Variants in FGFR1 observed in about 807,000 individuals in gnomAD.
FGFR1 encodes the protein FGFR1/PLAG1 fusion.
In FGFR1, 18 loss-of-function variants were observed where a neutral mutation model predicts 93.7. The observed-to-expected ratio is 0.19, with a 90% confidence interval of 0.13 to 0.28. The LOEUF is 0.28. Ranked by LOEUF, FGFR1 falls within the 10% of genes least tolerant of loss-of-function variation. FGFR1 has a pLI of 1.00. For synonymous variants in FGFR1, 448 were observed against 429.3 expected (o/e 1.04, Z -0.54); for missense variants, 731 against 1,080.4 (o/e 0.68, Z 4.53).
At position 38,413,081 on chromosome 8, in the gene FGFR1, G is replaced by C. The variant is rs1814916047; in HGVS notation, c.*547C>G. 4.2e-6 allele frequency: 1 copy of C among 238,668 alleles called. No homozygotes were observed. Among genetic ancestry groups the C allele is most frequent in the Non-Finnish European group, 8.2e-6 (1 of 121,236 alleles). The allele number at this position is 238,668 out of a possible 1,614,324, so 14.8% of individuals were successfully genotyped here. ...CCTGGCCTTCGCCTCACCATCCTCTGGTACCAGGCATTTGGTCAGCAAAGC... is the reference window on the plus strand; with the variant it reads ...CCTGGCCTTCGCCTCACCATCCTCTCGTACCAGGCATTTGGTCAGCAAAGC... On this transcript the variant is annotated 3_prime_UTR_variant, in exon 18 of 18. Coordinates refer to ENST00000447712, the MANE Select transcript of FGFR1 (RefSeq NM_023110.3). This position sits in a 1 kb window ranked among gnomAD's most constrained non-coding sequence, Gnocchi z 4.2.
intron 7 of FGFR1, chr8:38,423,307 T>C: frequency 3.4e-6 from 2 of 592,748 alleles, no homozygotes; most frequent in Non-Finnish European, 5.9e-6. Flanking sequence ...TACCTTTCCC[T>C]TTTAGTTTTT....
In FGFR1 at chr8:38,426,003, CAAG is replaced by C; in HGVS notation, c.745+116_745+118del. 1 of 1,399,528 alleles carries C rather than the reference CAAG, an allele frequency of 7.1e-7. No individual in the cohort carries two copies. Among genetic ancestry groups the C allele is most frequent in the Non-Finnish European group, 1.0e-6 (1 of 993,304 alleles). 86.7% of individuals were successfully genotyped at this position (1,399,528 alleles called of 1,614,324 possible). On this transcript the variant is annotated intron_variant, in intron 6 of 17. Transcript: ENST00000447712. This position sits in a 1 kb window ranked among gnomAD's most constrained non-coding sequence, Gnocchi z 4.1. ...AGTGACCTGCTCAAGGTGACAAAGC[CAAG>C]AAGTGCCAATCGCTATCCTGACTCT...
At chr8:38,452,327 C>T (rs1279620357) in intron 2 of FGFR1, among the ~76,000 whole-genome samples, 1 of 151,978 alleles carries the variant, frequency 6.6e-6, no homozygotes, top group African/African-American at 2.4e-5. Context: ...ACCTTTTGGA[C>T]AAAGCCCTTA....
chr8:38,453,425 C>T (rs1027899091), intron 2 of FGFR1, among the ~76,000 whole-genome samples: 1 of 152,208 alleles, frequency 6.6e-6, no homozygotes, highest in African/African-American at 2.4e-5. Context: ...TATGAGCACA[C>T]ATTCATTATC....
chr8:38,430,122 G>A, intron 2 of FGFR1, 174 bp from the exon 3 acceptor site: 1 of 647,882 alleles, frequency 1.5e-6, no homozygotes, highest in Non-Finnish European at 2.6e-6. Flanking sequence ...GCATGGGTCA[G>A]TGGGGAAAAC....
intron 2 of FGFR1, among the ~76,000 whole-genome samples, chr8:38,439,199 G>A (rs1035636174): frequency 2.0e-5 from 3 of 152,174 alleles, no homozygotes; most frequent in African/African-American, 4.8e-5. Context: ...GGCTGCATCT[G>A]CTGGGTCCTG....
At chr8:38,448,287 T>TG in intron 2 of FGFR1, among the ~76,000 whole-genome samples, 1 of 152,060 alleles carries the variant, frequency 6.6e-6, no homozygotes, top group Non-Finnish European at 1.5e-5. Flanking sequence ...AATTTTTTTT[T>TG]TTTTTTTTTT....
Position 38,429,858 on chromosome 8 carries a change from A to G in FGFR1, c.182T>C (p.Val61Ala), listed in dbSNP as rs776846726. 1.2e-6 allele frequency: 2 copies of G among 1,614,044 alleles called. No individual in the cohort carries two copies. The highest frequency in any genetic ancestry group is 2.2e-5 in the East Asian group (1 of 44,874). ...LQLRCRLRDD[V>A]QSINWLRDGV... The stretch of plus-strand genomic sequence containing the variant: ...GTCCCGCAGCCAGTTGATGCTCTGC[A>G]CATCGTCCCGCAGCCGACAGCGAAG... The change falls in exon 3 of 18, where the codon GTG (valine) becomes GCG (alanine). Residue 61 changes from valine (V) to alanine (A), a missense_variant. Transcript: ENST00000447712. This position sits in a 1 kb window ranked among gnomAD's most constrained non-coding sequence, Gnocchi z 4.4.
At chr8:38,459,256 C>A (rs550866780) in intron 1 of FGFR1, among the ~76,000 whole-genome samples, 12 of 152,248 alleles carry the variant, frequency 7.9e-5, no homozygotes, top group African/African-American at 2.4e-4. Context: ...TCTACTTCCC[C>A]GGAACATGCC....
chr8:38,430,305 C>G (rs570173776), intron 2 of FGFR1: 3 of 264,852 alleles, frequency 1.1e-5, no homozygotes, highest in African/African-American at 6.5e-5. Flanking sequence ...GGAGTTGCCC[C>G]CTCCCCAGAT....
At chr8:38,458,525 A>C (rs1346788010) in intron 1 of FGFR1, among the ~76,000 whole-genome samples, 1 of 152,124 alleles carries the variant, frequency 6.6e-6, no homozygotes, top group African/African-American at 2.4e-5. Context: ...TAGGTGACAG[A>C]GTGAGACTCT....
chr8:38,464,392 C>A (rs1448071573), intron 1 of FGFR1, among the ~76,000 whole-genome samples: 4 of 149,220 alleles, frequency 2.7e-5, no homozygotes, highest in African/African-American at 9.9e-5. Flanking sequence ...CTCTTGAAGA[C>A]AGGATGTACT....
At chr8:38,422,431 G>A (rs542896905) in intron 7 of FGFR1, among the ~76,000 whole-genome samples, 2 of 152,286 alleles carry the variant, frequency 1.3e-5, no homozygotes, top group Admixed American at 6.5e-5. Flanking sequence ...TAAGAGATGG[G>A]GTACCATTCT....
chr8:38,427,764 A>C (rs1166536735), intron 5 of FGFR1, among the ~76,000 whole-genome samples, 157 bp downstream of exon 5: 1 of 152,242 alleles, frequency 6.6e-6, no homozygotes, highest in Non-Finnish European at 1.5e-5. Context: ...AGAAATGTTT[A>C]AACTTTATTT....
intron 8 of FGFR1, among the ~76,000 whole-genome samples, chr8:38,421,363 G>C (rs1424691493): frequency 6.6e-6 from 1 of 152,206 alleles, no homozygotes; most frequent in Non-Finnish European, 1.5e-5. Context: ...GCTGCTCTTT[G>C]CAAGCAGCAA....
chr8:38,424,244 C>A lies in FGFR1; in HGVS notation c.936+265G>T. 3.2e-6 allele frequency: 2 copies of A among 625,406 alleles called. No individual in the cohort carries two copies. Among genetic ancestry groups the A allele is most frequent in the South Asian group, 3.3e-5 (2 of 60,492 alleles). The allele number at this position is 625,406 out of a possible 1,614,324, so 38.7% of individuals were successfully genotyped here. ...TCCTTGTGTAGCTGACCCCAAAGCC[C>A]CAGTGACGTTGCTCTCAAAGCTTAT... is the stretch of plus-strand genomic sequence containing the variant. On this transcript the variant is annotated intron_variant, in intron 7 of 17. Coordinates refer to ENST00000447712, the MANE Select transcript of FGFR1 (RefSeq NM_023110.3). The surrounding 1 kb of genome is among the most constrained non-coding windows in gnomAD (Gnocchi z 4.3).
chr8:38,420,795 C>T (rs912950915), intron 8 of FGFR1, among the ~76,000 whole-genome samples: 1 of 152,148 alleles, frequency 6.6e-6, no homozygotes, highest in Non-Finnish European at 1.5e-5. Flanking sequence ...GCATGAGGCA[C>T]GACCCTAGAC....
chr8:38,416,390 T>C (rs1297115190), intron 12 of FGFR1, among the ~76,000 whole-genome samples: 1 of 151,782 alleles, frequency 6.6e-6, no homozygotes, highest in Non-Finnish European at 1.5e-5. Flanking sequence ...ATTCAAGTGA[T>C]TCTCCTGCCT....
chr8:38,462,332 C>T (rs559260097), intron 1 of FGFR1, among the ~76,000 whole-genome samples: 17 of 152,064 alleles, frequency 1.1e-4, no homozygotes, highest in Non-Finnish European at 1.6e-4. Flanking sequence ...GGTGAAACCC[C>T]GTCTCTACTA....
Sources: gnomAD v4.1 joint callset for allele counts (sites outside exome capture counted in the v4.1 genomes callset) on GRCh38, gnomAD v4.1.1 for gene constraint, Gnocchi (gnomAD v3.1) non-coding constraint, MANE v1.5 for transcripts, NCBI Gene and HGNC (gene_info 2026-07-23, HGNC 2026-07-21) for gene names.